ZDHHC13: variants seen among roughly 807,000 people sequenced by gnomAD.
ZDHHC13 encodes the protein palmitoyltransferase ZDHHC13.
A neutral mutation model predicts 86.0 loss-of-function variants in ZDHHC13; 85 were observed. That is an observed-to-expected ratio of 0.99 (90% CI 0.83 to 1.18). ZDHHC13 has a LOEUF of 1.18. ZDHHC13 is among the 50% of genes most tolerant of loss of function. The probability of loss-of-function intolerance (pLI) is 0.00; values close to 1 mark genes in which losing one functional copy is unlikely to be tolerated. For missense variants in ZDHHC13, 711 were observed against 730.2 expected, an observed-to-expected ratio of 0.97 and a Z score of 0.30; for synonymous variants, 263 against 246.4, an observed-to-expected ratio of 1.07 and a Z score of -0.63.
intron 14 of ZDHHC13, chr11:19,169,293 A>G (rs1485328644): frequency 1.0e-6 from 1 of 985,298 alleles, no homozygotes; most frequent in African/African-American, 1.7e-5. Context: ...TGCCATCCTA[A>G]TGAGATGCTC....
chr11:19,128,832 AT>A (rs1280067929), intron 1 of ZDHHC13, among the ~76,000 whole-genome samples: 2 of 152,130 alleles, frequency 1.3e-5, no homozygotes, highest in Admixed American at 1.3e-4. Context: ...ATTTATAGCA[AT>A]TTTCTAGGGA....
rs2292087 is a variant in ZDHHC13, at chr11:19,159,146, A to G, written c.1108+106A>G. On this transcript the variant is annotated intron_variant, in intron 10 of 16. Coordinates refer to ENST00000446113, the MANE Select transcript of ZDHHC13 (RefSeq NM_019028.3). ...GGAAAAGGCCCAGGGAATGCAACTT[A>G]TATTTGCATTCATTTAATGGTTCTG... is the stretch of plus-strand genomic sequence containing the variant. The G allele has an allele frequency of 6.5e-3, 4,474 of 689,208 alleles. 167 individuals carry two copies. The East Asian group carries it at 0.091, about 14-fold the overall frequency. 42.7% of individuals were successfully genotyped at this position (689,208 alleles called of 1,614,324 possible).
At chr11:19,155,059 C>T (rs1245560785) in intron 8 of ZDHHC13, among the ~76,000 whole-genome samples, 1 of 152,182 alleles carries the variant, frequency 6.6e-6, no homozygotes, top group Non-Finnish European at 1.5e-5. Context: ...CCTATTGCAT[C>T]TGACCTTCTG....
At chr11:19,166,169 A>T in intron 13 of ZDHHC13, 133 bp from the exon 14 acceptor site, 1 of 699,660 alleles carries the variant, frequency 1.4e-6, no homozygotes, top group Non-Finnish European at 2.4e-6. Flanking sequence ...AATGGTACTT[A>T]AAAGCAAAGC....
In ZDHHC13 at chr11:19,142,911, G is replaced by A. The variant is rs141608187; in HGVS notation, c.28-67G>A. 82 of 1,448,650 alleles carry A rather than the reference G, an allele frequency of 5.7e-5. No individual in the cohort carries two copies. In the Middle Eastern group the frequency reaches 1.3e-3, roughly 22 times the overall value. The allele number at this position is 1,448,650 out of a possible 1,614,324, so 89.7% of individuals were successfully genotyped here. A position where few individuals can be genotyped will look rare whatever the true frequency, so the allele number is the denominator to read the frequency against. On this transcript the variant is annotated intron_variant, in intron 1 of 16. Transcript: ENST00000446113. ...ATAGATATTGTTGATAGTAGCAAAT[G>A]CTTCATTATGTAATTGAGTGTGACA...
chr11:19,165,489 C>G (rs547048181), intron 13 of ZDHHC13, among the ~76,000 whole-genome samples: 33 of 152,244 alleles, frequency 2.2e-4, no homozygotes, highest in South Asian at 6.2e-4. Context: ...TTCCTTCTGC[C>G]GGGTTTTGCT....
At chr11:19,147,741 GT>G (rs1849503012) in intron 4 of ZDHHC13, 68 bp downstream of exon 4, 1 of 898,370 alleles carries the variant, frequency 1.1e-6, no homozygotes, top group East Asian at 3.7e-5. Context: ...TAAAAAATCA[GT>G]TATAGACGAT....
At chr11:19,121,310 G>A (rs1047861848) in intron 1 of ZDHHC13, among the ~76,000 whole-genome samples, 1 of 152,120 alleles carries the variant, frequency 6.6e-6, no homozygotes, top group Non-Finnish European at 1.5e-5. Flanking sequence ...CATTCTTTAG[G>A]TCAAGGTCTG....
intron 2 of ZDHHC13, among the ~76,000 whole-genome samples, chr11:19,145,066 G>T (rs1026342228): frequency 2.0e-5 from 3 of 151,384 alleles, no homozygotes; most frequent in East Asian, 1.9e-4. Flanking sequence ...CTGAGATTGC[G>T]CCACTGCACT....
chr11:19,158,154 TA>T (rs1377292503), intron 9 of ZDHHC13, among the ~76,000 whole-genome samples: 1 of 152,162 alleles, frequency 6.6e-6, no homozygotes, highest in African/African-American at 2.4e-5. Flanking sequence ...AACTTACCAT[TA>T]TTATGGTTAT....
At chr11:19,171,321 G>A (rs766133141) in intron 15 of ZDHHC13, among the ~76,000 whole-genome samples, 1 of 152,026 alleles carries the variant, frequency 6.6e-6, no homozygotes, top group African/African-American at 2.4e-5. Context: ...GGCAGCAGGT[G>A]GTCATCAGTC....
In ZDHHC13 at chr11:19,135,411, C is replaced by T. The variant is rs181354759; in HGVS notation, c.28-7567C>T. ...AGGAGATTATATCCCGCACCTGGCT[C>T]GGAGGGGCCTACGCCCATGGAGTCT... On this transcript the variant is annotated intron_variant, in intron 1 of 16. Transcript: ENST00000446113. Among the ~76,000 whole-genome samples, 1,073 of 152,354 alleles carry T rather than the reference C, an allele frequency of 7.0e-3. 9 individuals are homozygous for T. The highest frequency in any genetic ancestry group is 0.024 in the African/African-American group (986 of 41,590).
chr11:19,173,501 G>A (rs1411748134), intron 16 of ZDHHC13, among the ~76,000 whole-genome samples: 1 of 152,180 alleles, frequency 6.6e-6, no homozygotes, highest in Non-Finnish European at 1.5e-5. Flanking sequence ...GGATTTGAAT[G>A]CTCGCTGCAT....
intron 1 of ZDHHC13, among the ~76,000 whole-genome samples, chr11:19,136,110 C>T (rs1463932327): frequency 1.6e-4 from 25 of 152,044 alleles, no homozygotes; most frequent in East Asian, 1.4e-3. Context: ...AGGCTTCAGA[C>T]GATCAAATTA....
intron 1 of ZDHHC13, among the ~76,000 whole-genome samples, chr11:19,132,716 A>G (rs568957846): frequency 6.6e-6 from 1 of 152,286 alleles, no homozygotes; most frequent in African/African-American, 2.4e-5. Context: ...CCATGATTGC[A>G]AAATTGCTGG....
At position 19,149,247 on chromosome 11, in the gene ZDHHC13, T is replaced by C. The variant is rs2133421739; in HGVS notation, c.435T>C (p.Ile145=). ...AGCATGGTGCAGACCCCACTCTTAT[T>C]GATGGAGAGGGATTCAGCAGCATCC... ...LLQHGADPTL[I]DGEGFSSIHL... Residue 145 remains isoleucine, a synonymous_variant, in exon 5 of 17, where the codon ATT becomes ATC. Transcript: ENST00000446113. The C allele has an allele frequency of 6.2e-7, 1 of 1,606,504 alleles. No individual in the cohort carries two copies. Among genetic ancestry groups the C allele is most frequent in the Non-Finnish European group, 8.5e-7 (1 of 1,175,692 alleles).
chr11:19,158,436 G>A (rs78349397), intron 9 of ZDHHC13, among the ~76,000 whole-genome samples: 3,417 of 152,154 alleles, frequency 0.022, 101 homozygotes, highest in East Asian at 0.13. Context: ...TATATGAAGT[G>A]TCTACTTCTC....
chr11:19,172,313 C>T (rs11025042), intron 15 of ZDHHC13, among the ~76,000 whole-genome samples: 64,220 of 151,880 alleles, frequency 0.42, 15,144 homozygotes, highest in South Asian at 0.53. Context: ...CCTCGTGATC[C>T]ACCCGCCTCG....
At chr11:19,140,474 TA>T (rs1253195185) in intron 1 of ZDHHC13, among the ~76,000 whole-genome samples, 41 of 152,286 alleles carry the variant, frequency 2.7e-4, no homozygotes, top group Admixed American at 2.5e-3. Flanking sequence ...GGTGGGACTG[TA>T]AACTAGTTCA....
Sources: gnomAD v4.1 joint callset for allele counts (sites outside exome capture counted in the v4.1 genomes callset) on GRCh38, gnomAD v4.1.1 for gene constraint, MANE v1.5 for transcripts, NCBI Gene and HGNC (gene_info 2026-07-23, HGNC 2026-07-21) for gene names.